Variants in NR3C1 observed in about 807,000 individuals in gnomAD.
NR3C1 encodes glucocorticoid receptor.
Under a neutral mutation model 74.0 loss-of-function variants are expected in NR3C1, and 14 were observed. The observed-to-expected ratio is 0.19, with a 90% CI of 0.12 to 0.30. The LOEUF is 0.30. NR3C1 is among the 10% of genes least tolerant of loss of function. NR3C1 has a pLI of 1.00. For missense variants in NR3C1, 695 were observed against 909.8 expected, an observed-to-expected ratio of 0.76 and a Z score of 3.04; for synonymous variants, 308 against 332.5, an observed-to-expected ratio of 0.93 and a Z score of 0.80.
At chr5:143,282,198 C>A (rs10482704) in intron 8 of NR3C1, among the ~76,000 whole-genome samples, 157 bp from the exon 9 acceptor site, 1,772 of 152,238 alleles carry the variant, frequency 0.012, 29 homozygotes, top group Non-Finnish European at 0.02. Context: ...GTACAAAACA[C>A]ATTTTATATT....
intron 5 of NR3C1, among the ~76,000 whole-genome samples, chr5:143,299,859 CAGG>C (rs1448974965): frequency 2.0e-5 from 3 of 152,146 alleles, no homozygotes; most frequent in Non-Finnish European, 2.9e-5. Context: ...ACAAGGATGA[CAGG>C]AGGTCAGGTT....
chr5:143,358,127 T>C (rs1312659938), intron 2 of NR3C1, among the ~76,000 whole-genome samples: 1 of 152,218 alleles, frequency 6.6e-6, no homozygotes, highest in African/African-American at 2.4e-5. Flanking sequence ...TTGGGTAGAT[T>C]TCTCTTCCCA....
chr5:143,403,830 C>A (rs1273902289), upstream of NR3C1: 7 of 967,644 alleles, frequency 7.2e-6, no homozygotes, highest in African/African-American at 1.2e-4. Context: ...CGGTCCCTGC[C>A]CCCACGCCCT....
intron 2 of NR3C1, among the ~76,000 whole-genome samples, chr5:143,380,189 G>A (rs1835929544): frequency 6.6e-6 from 1 of 152,142 alleles, no homozygotes; most frequent in Non-Finnish European, 1.5e-5. Context: ...TTGATATTAA[G>A]ACAAATATTT....
intron 7 of NR3C1, among the ~76,000 whole-genome samples, chr5:143,290,864 A>G (rs1815749020): frequency 6.6e-6 from 1 of 151,918 alleles, no homozygotes; most frequent in African/African-American, 2.4e-5. Flanking sequence ...ACCTGGCCCC[A>G]TCTCTATATT....
At chr5:143,386,686 G>T (rs531667685) in intron 2 of NR3C1, among the ~76,000 whole-genome samples, 3 of 152,152 alleles carry the variant, frequency 2.0e-5, no homozygotes, top group African/African-American at 4.8e-5. Flanking sequence ...ACATTTTGGG[G>T]TATAATTTTA....
At chr5:143,425,108 T>A (rs148442596) in intron 1 of NR3C1, among the ~76,000 whole-genome samples, 2,595 of 152,214 alleles carry the variant, frequency 0.017, 34 homozygotes, top group Non-Finnish European at 0.029. Context: ...GTCAACTGAT[T>A]TTTTACAAGA....
chr5:143,399,188 T>C (rs1414359089), intron 2 of NR3C1, among the ~76,000 whole-genome samples: 1 of 152,222 alleles, frequency 6.6e-6, no homozygotes, highest in Non-Finnish European at 1.5e-5. Flanking sequence ...TGCTTTTAAC[T>C]CTTTAATCTC....
intron 2 of NR3C1, chr5:143,333,066 C>T: frequency 1.9e-6 from 3 of 1,594,286 alleles, no homozygotes; most frequent in Non-Finnish European, 2.5e-6. Context: ...AGACCTCATT[C>T]ATGAAATTGC....
intron 1 of NR3C1, chr5:143,433,747 T>C (rs1243431034): frequency 6.6e-6 from 1 of 152,306 alleles, no homozygotes; most frequent in Non-Finnish European, 1.5e-5. Flanking sequence ...TATGGCAGCT[T>C]CCTGACTGCT....
In NR3C1 at chr5:143,300,870, G is replaced by T; in HGVS notation, c.1469-107C>A. 1 of 1,124,278 alleles carries T rather than the reference G, an allele frequency of 8.9e-7. No homozygotes were observed. The highest frequency in any genetic ancestry group is 1.6e-5 in the South Asian group (1 of 62,052). 69.6% of individuals were successfully genotyped at this position (1,124,278 alleles called of 1,614,324 possible). A position where few individuals can be genotyped will look rare whatever the true frequency, so the allele number is the denominator to read the frequency against. ...ACTTTCTAAAACTATTAAGATGGGA[G>T]AAATATTTTATTTAGCAATTATGAT... On this transcript the variant is annotated intron_variant, in intron 4 of 8. Coordinates refer to ENST00000394464, the MANE Select transcript of NR3C1 (RefSeq NM_000176.3). The surrounding 1 kb of genome is among the most constrained non-coding windows in gnomAD (Gnocchi z 5.2).
intron 5 of NR3C1, among the ~76,000 whole-genome samples, chr5:143,299,686 AAATT>A (rs1253187712): frequency 6.6e-6 from 1 of 152,240 alleles, no homozygotes; most frequent in Non-Finnish European, 1.5e-5. Context: ...TGCTTTTATT[AAATT>A]ATTACATGTA....
At chr5:143,427,513 C>A (rs1751594728) in intron 1 of NR3C1, among the ~76,000 whole-genome samples, 1 of 152,224 alleles carries the variant, frequency 6.6e-6, no homozygotes, top group East Asian at 1.9e-4. Flanking sequence ...CTTCCAGCAC[C>A]ATCTAGGAAA....
At chr5:143,416,285 G>C (rs1207096168) in intron 1 of NR3C1, among the ~76,000 whole-genome samples, 2 of 152,104 alleles carry the variant, frequency 1.3e-5, no homozygotes, top group African/African-American at 2.4e-5. Context: ...CATGGGCCAG[G>C]TCTGGTAATA....
chr5:143,318,962 G>C (rs1352759326), intron 2 of NR3C1, among the ~76,000 whole-genome samples: 2 of 152,170 alleles, frequency 1.3e-5, no homozygotes, highest in African/African-American at 4.8e-5. Context: ...GATGCCAACA[G>C]TTTTACTCAT....
intron 1 of NR3C1, among the ~76,000 whole-genome samples, chr5:143,422,189 C>T (rs1218337017): frequency 1.3e-5 from 2 of 152,150 alleles, no homozygotes; most frequent in Non-Finnish European, 2.9e-5. Context: ...TTTCTTGAAG[C>T]ATTGATTTTC....
At chr5:143,309,340 G>A (rs1478733780) in intron 4 of NR3C1, among the ~76,000 whole-genome samples, 2 of 152,120 alleles carry the variant, frequency 1.3e-5, no homozygotes, top group African/African-American at 4.8e-5. Flanking sequence ...CAAAGTGCGG[G>A]GAGACCAAGA....
At chr5:143,389,167 G>C (rs574836183) in intron 2 of NR3C1, among the ~76,000 whole-genome samples, 4 of 152,150 alleles carry the variant, frequency 2.6e-5, no homozygotes, top group Admixed American at 6.5e-5. Context: ...CTGAGGGAGG[G>C]GGAGGCAGGG....
intron 2 of NR3C1, among the ~76,000 whole-genome samples, chr5:143,356,169 T>C (rs918628344): frequency 6.6e-5 from 10 of 152,188 alleles, no homozygotes; most frequent in African/African-American, 2.4e-4. Flanking sequence ...CTTACAGTAA[T>C]AGTTTATCAG....
Sources: allele counts gnomAD v4.1 joint callset (sites outside exome capture counted in the v4.1 genomes callset), GRCh38; gene constraint gnomAD v4.1.1; non-coding constraint Gnocchi (gnomAD v3.1); transcripts MANE v1.5; gene names NCBI Gene and HGNC (gene_info 2026-07-23, HGNC 2026-07-21).